LYRM9: variants seen among roughly 807,000 people sequenced by gnomAD.
LYRM9 encodes LYR motif-containing protein 9.
LYRM9 carries 14 observed loss-of-function variants against 12.6 expected under a neutral mutation model. The ratio of observed to expected loss-of-function variants is 1.11; its 90% CI spans 0.73 to 1.73. The LOEUF is 1.73. Ranked by LOEUF, LYRM9 falls within the 40% of genes most tolerant of loss-of-function variation. LYRM9 has a pLI of 0.00. For missense variants in LYRM9, 94 were observed against 95.0 expected, an observed-to-expected ratio of 0.99 and a Z score of 0.04; for synonymous variants, 42 against 35.1, an observed-to-expected ratio of 1.20 and a Z score of -0.69.
chr17:27,880,327 T>C lies in LYRM9; in HGVS notation c.166A>G (p.Ile56Val). The change falls in exon 3 of 4, where the codon ATC becomes GTC. Residue 56 changes from isoleucine to valine, a missense_variant. Transcript: ENST00000379102. ...ATGGCTCTTTTAATAATCTGCTGGA[T>C]TCTCTCAGGGTTGTCTTCATCTGAA... ...VHSDEDNPER[I>V]QQIIKRAIED... 2.5e-6 allele frequency: 4 copies of C among 1,610,098 alleles called. No homozygotes were observed. The highest frequency in any genetic ancestry group is 1.3e-5 in the African/African-American group (1 of 75,018).
intron 1 of LYRM9, chr17:27,882,979 A>G (rs1397094104): frequency 1.8e-6 from 1 of 549,754 alleles, no homozygotes; most frequent in Admixed American, 2.2e-5. Flanking sequence ...CTCAACTTCA[A>G]GTGGTGCATG....
Position 27,882,732 on chromosome 17 carries a change from A to G in LYRM9, c.-18-20T>C. 6.4e-7 allele frequency: 1 copy of G among 1,559,076 alleles called. No individual in the cohort carries two copies. The highest frequency in any genetic ancestry group is 8.7e-7 in the Non-Finnish European group (1 of 1,151,726). ...CTGTCCCTGGAAAACAAGCAGGATC[A>G]CTTCCAGGGCATCAAGCCAAGTTCA... On this transcript the variant is annotated intron_variant, in intron 1 of 3. Transcript: ENST00000379102.
intron 1 of LYRM9, among the ~76,000 whole-genome samples, chr17:27,890,565 CA>C (rs1469210490): frequency 1.3e-5 from 2 of 152,126 alleles, no homozygotes; most frequent in African/African-American, 4.8e-5. Context: ...TCCTGGAAGC[CA>C]AGTGTTATCA....
intron 1 of LYRM9, chr17:27,883,355 T>G (rs1178751975): frequency 5.0e-6 from 1 of 199,090 alleles, no homozygotes; most frequent in East Asian, 1.6e-4. Context: ...GCACGTGATT[T>G]CATTTCACTA....
At chr17:27,893,031 G>A (rs1416311315) in intron 1 of LYRM9, 1 of 152,272 alleles carries the variant, frequency 6.6e-6, no homozygotes, top group Non-Finnish European at 1.5e-5. Context: ...GGCTGCCCCG[G>A]ACCTCGCGCC....
chr17:27,882,655 G>C lies in LYRM9; in HGVS notation c.40C>G (p.Leu14Val), dbSNP rs995367112. The C allele has an allele frequency of 1.2e-6, 2 of 1,603,996 alleles. No individual in the cohort carries two copies. The highest frequency in any genetic ancestry group is 1.7e-6 in the Non-Finnish European group (2 of 1,175,674). The change falls in exon 2 of 4, where the codon CTG (leucine) becomes GTG (valine). Residue 14 changes from leucine to valine, a missense_variant. Coordinates refer to ENST00000379102, the MANE Select transcript of LYRM9 (RefSeq NM_001076680.3). The part of the protein sequence containing the change: ...LPGAELVRRP[L>V]QLYRYLLRCC... ...CGCAGCAAGTATCGGTAGAGCTGCA[G>C]TGGCCTCCGAACCAGTTCTGCTCCT... is the stretch of plus-strand genomic sequence containing the variant.
chr17:27,892,356 A>T, intron 1 of LYRM9: 1 of 447,616 alleles, frequency 2.2e-6, no homozygotes, highest in South Asian at 1.6e-5. Flanking sequence ...TAGTAAGAAA[A>T]ATATATATAC....
At chr17:27,882,811 G>A in intron 1 of LYRM9, 99 bp from the exon 2 acceptor site, 3 of 1,316,670 alleles carry the variant, frequency 2.3e-6, no homozygotes, top group Admixed American at 2.4e-5. Context: ...GCTTGGTGCA[G>A]TGCAGAGGCC....
At chr17:27,892,392 T>A (rs909356050) in intron 1 of LYRM9, 26 of 455,850 alleles carry the variant, frequency 5.7e-5, no homozygotes, top group African/African-American at 4.8e-4. Flanking sequence ...CTCCACAGTT[T>A]ATAGTACCTG....
At chr17:27,884,042 CCCTCCCGA>C (rs1323404021) in intron 1 of LYRM9, among the ~76,000 whole-genome samples, 1 of 150,246 alleles carries the variant, frequency 6.7e-6, no homozygotes, top group Non-Finnish European at 1.5e-5. Flanking sequence ...CTCCCTCCCG[CCCTCCCGA>C]CGTCCCCATC....
intron 2 of LYRM9, 135 bp from the exon 3 acceptor site, chr17:27,880,501 A>G: frequency 1.6e-6 from 1 of 634,078 alleles, no homozygotes; most frequent in Non-Finnish European, 2.8e-6. Context: ...ATAGACTGTT[A>G]TGATTATCCC....
At chr17:27,883,528 T>TAATC (rs963383533) in intron 1 of LYRM9, among the ~76,000 whole-genome samples, 1 of 151,576 alleles carries the variant, frequency 6.6e-6, no homozygotes, top group Admixed American at 6.6e-5. Flanking sequence ...TGCATGCCTG[T>TAATC]AATCCCAGCT....
chr17:27,882,950 T>C, intron 1 of LYRM9: 1 of 606,546 alleles, frequency 1.6e-6, no homozygotes, highest in Non-Finnish European at 3.2e-6. Flanking sequence ...GCCTCATCCC[T>C]GGCGTCTTCT....
chr17:27,888,311 C>T (rs1176653680), intron 1 of LYRM9, among the ~76,000 whole-genome samples: 1 of 152,170 alleles, frequency 6.6e-6, no homozygotes, highest in Non-Finnish European at 1.5e-5. Flanking sequence ...GCCTTCATCA[C>T]CCCTCATTAC....
At chr17:27,883,105 A>G in intron 1 of LYRM9, 1 of 462,518 alleles carries the variant, frequency 2.2e-6, no homozygotes. Context: ...CAAGCCACAG[A>G]GGGGAGAATG....
At chr17:27,883,582 G>A (rs1372660652) in intron 1 of LYRM9, among the ~76,000 whole-genome samples, 1 of 151,102 alleles carries the variant, frequency 6.6e-6, no homozygotes, top group Non-Finnish European at 1.5e-5. Context: ...CCCCAGAAGT[G>A]GAAATGGCAG....
intron 2 of LYRM9, chr17:27,880,755 C>G: frequency 4.4e-6 from 1 of 225,104 alleles, no homozygotes; most frequent in Non-Finnish European, 8.8e-6. Context: ...ATAGGCTTTA[C>G]AGCAGGGAGG....
At chr17:27,879,967 C>T (rs926769155) in intron 3 of LYRM9, 16 of 626,920 alleles carry the variant, frequency 2.6e-5, no homozygotes, top group Middle Eastern at 4.0e-4. Flanking sequence ...AGTGCCACCG[C>T]CGGCTCTGGC....
In LYRM9 at chr17:27,879,221, C is replaced by T; in HGVS notation, c.*252G>A. The T allele has an allele frequency of 2.3e-6, 1 of 428,826 alleles. No homozygotes were observed. The highest frequency in any genetic ancestry group is 2.1e-5 in the African/African-American group (1 of 48,542). The allele number at this position is 428,826 out of a possible 1,614,324, so 26.6% of individuals were successfully genotyped here. The stretch of plus-strand genomic sequence containing the variant: ...AGAACAAAAACACAAAAATAAAAAA[C>T]ACACAAAAGAAGCAAAAAAATACTA... On this transcript the variant is annotated 3_prime_UTR_variant, in exon 4 of 4. Transcript: ENST00000379102.
Sources: gnomAD v4.1 joint callset for allele counts (sites outside exome capture counted in the v4.1 genomes callset) on GRCh38, gnomAD v4.1.1 for gene constraint, MANE v1.5 for transcripts, NCBI Gene and HGNC (gene_info 2026-07-23, HGNC 2026-07-21) for gene names.